The following ERBB4 variants were observed in gnomAD, a reference collection of about 807,000 sequenced individuals.
ERBB4 encodes the protein erb-b2 receptor tyrosine kinase 4, also known as receptor tyrosine-protein kinase erbB-4.
Under a neutral mutation model 158.0 loss-of-function variants are expected in ERBB4, and 42 were observed. The ratio of observed to expected loss-of-function variants is 0.27; its 90% CI spans 0.21 to 0.34. ERBB4 has a LOEUF of 0.34. Among genes scored for constraint, ERBB4 ranks in the 10% least tolerant of loss-of-function variants. ERBB4 has a pLI of 1.00. For synonymous variants in ERBB4, 583 were observed against 558.7 expected, an observed-to-expected ratio of 1.04 and a Z score of -0.61; for missense variants, 1,333 against 1,624.1, an observed-to-expected ratio of 0.82 and a Z score of 3.08.
chr2:212,505,168 C>T (rs1281697392), intron 1 of ERBB4, among the ~76,000 whole-genome samples: 1 of 152,206 alleles, frequency 6.6e-6, no homozygotes. Flanking sequence ...ACAATCGAAG[C>T]TCACTGCAAC....
At chr2:211,711,600 C>A (rs2073703896) in intron 9 of ERBB4, among the ~76,000 whole-genome samples, 1 of 152,074 alleles carries the variant, frequency 6.6e-6, no homozygotes, top group South Asian at 2.1e-4. Flanking sequence ...CAAAGAATTT[C>A]TGGAAGAAGC....
rs147913951 is a variant in ERBB4, at chr2:212,088,433, C to A, written c.234+36319G>T. Among the ~76,000 whole-genome samples the A allele has an allele frequency of 5.6e-3, 849 of 152,244 alleles. 9 individuals are homozygous for A. The highest frequency in any genetic ancestry group is 6.7e-3 in the Non-Finnish European group (456 of 68,012). Reference sequence around the variant, plus strand: ...TAAAAATGGATTGTCTATCACATGACAGGTACTAACCATAACAAGAATTCT... The same window carrying A: ...TAAAAATGGATTGTCTATCACATGAAAGGTACTAACCATAACAAGAATTCT... On this transcript the variant is annotated intron_variant, in intron 2 of 27. Coordinates refer to ENST00000342788, the MANE Select transcript of ERBB4 (RefSeq NM_005235.3).
intron 1 of ERBB4, among the ~76,000 whole-genome samples, chr2:212,340,373 C>T (rs2088649519): frequency 6.6e-6 from 1 of 152,152 alleles, no homozygotes; most frequent in Non-Finnish European, 1.5e-5. Flanking sequence ...ATTACAGACA[C>T]TGTGTACTTT....
chr2:212,335,630 TA>T (rs2106306407), intron 1 of ERBB4, among the ~76,000 whole-genome samples: 1 of 152,164 alleles, frequency 6.6e-6, no homozygotes, highest in Admixed American at 6.6e-5. Flanking sequence ...AAATTTTACT[TA>T]ACATTTCGTA....
intron 25 of ERBB4, among the ~76,000 whole-genome samples, chr2:211,388,275 A>T (rs984106803): frequency 6.6e-5 from 10 of 152,218 alleles, no homozygotes; most frequent in Admixed American, 6.5e-4. Flanking sequence ...TAAATAATAA[A>T]CATTCTTCTG....
intron 2 of ERBB4, among the ~76,000 whole-genome samples, chr2:212,016,010 C>T (rs757154448): frequency 4.0e-5 from 6 of 148,918 alleles, no homozygotes; most frequent in Non-Finnish European, 8.9e-5. Flanking sequence ...ATTTTTATAG[C>T]GTAGGACTAC....
intron 3 of ERBB4, among the ~76,000 whole-genome samples, chr2:211,799,201 A>G (rs2076445566): frequency 6.6e-6 from 1 of 152,146 alleles, no homozygotes; most frequent in African/African-American, 2.4e-5. Flanking sequence ...TTAATTCAAA[A>G]ACACAATATT....
At chr2:211,951,969 C>G (rs185357970) in intron 2 of ERBB4, among the ~76,000 whole-genome samples, 1 of 151,878 alleles carries the variant, frequency 6.6e-6, no homozygotes, top group South Asian at 2.1e-4. Flanking sequence ...TTAATTGTTA[C>G]GTCCCTTTCT....
chr2:211,666,555 CT>C (rs1350463253), intron 14 of ERBB4, among the ~76,000 whole-genome samples: 1 of 152,140 alleles, frequency 6.6e-6, no homozygotes, highest in African/African-American at 2.4e-5. Context: ...GGAAAGCATA[CT>C]AGAAATGGGT....
At chr2:211,856,911 C>T (rs965358973) in intron 3 of ERBB4, among the ~76,000 whole-genome samples, 1 of 152,064 alleles carries the variant, frequency 6.6e-6, no homozygotes, top group African/African-American at 2.4e-5. Context: ...TGGTGTTGTA[C>T]AATCAACAGA....
chr2:211,625,743 T>C (rs554154697), intron 17 of ERBB4, among the ~76,000 whole-genome samples: 1 of 152,308 alleles, frequency 6.6e-6, no homozygotes, highest in South Asian at 2.1e-4. Context: ...GTATAATGAA[T>C]AACTTATGAA....
At chr2:212,327,440 A>G (rs1209062945) in intron 1 of ERBB4, among the ~76,000 whole-genome samples, 1 of 151,924 alleles carries the variant, frequency 6.6e-6, no homozygotes, top group Non-Finnish European at 1.5e-5. Context: ...GACTAAGGAT[A>G]CTCTTGGAGA....
chr2:211,649,484 AC>A (rs1287038118), intron 16 of ERBB4, among the ~76,000 whole-genome samples: 2 of 151,834 alleles, frequency 1.3e-5, no homozygotes, highest in Admixed American at 6.6e-5. Flanking sequence ...GGTGTGTAGA[AC>A]AATATAGCTA....
intron 1 of ERBB4, chr2:212,426,468 T>C: frequency 2.5e-6 from 1 of 393,766 alleles, no homozygotes; most frequent in Non-Finnish European, 5.0e-6. Context: ...GAGAAGCTGA[T>C]ATTTTTATTA....
intron 12 of ERBB4, among the ~76,000 whole-genome samples, chr2:211,699,415 T>C (rs1031963986): frequency 3.3e-5 from 5 of 152,180 alleles, no homozygotes; most frequent in African/African-American, 1.2e-4. Flanking sequence ...CATTCCCATT[T>C]ACAAAGAGTA....
At chr2:212,485,564 C>A (rs1689927904) in intron 1 of ERBB4, among the ~76,000 whole-genome samples, 1 of 152,064 alleles carries the variant, frequency 6.6e-6, no homozygotes, top group Admixed American at 6.6e-5. Flanking sequence ...TTCAAGTACT[C>A]CAAGATGAAT....
rs796507910 is a variant in ERBB4 at position 211,692,011 on chromosome 2, G to C, written c.1489+9956C>G. 1.6e-4 allele frequency among the ~76,000 whole-genome samples: 25 copies of C among 152,284 alleles called. 1 individual carries two copies. The highest frequency in any genetic ancestry group is 5.5e-4 in the African/African-American group (23 of 41,566). On this transcript the variant is annotated intron_variant, in intron 12 of 27. Coordinates refer to ENST00000342788, the MANE Select transcript of ERBB4 (RefSeq NM_005235.3). ...CAAAAAATGTCACTTCAATTTCTTT[G>C]ATGGGATTGACTTGAAGGTATATTT...
intron 1 of ERBB4, among the ~76,000 whole-genome samples, chr2:212,210,885 A>G (rs2082913399): frequency 6.6e-6 from 1 of 152,002 alleles, no homozygotes; most frequent in Non-Finnish European, 1.5e-5. Flanking sequence ...CACAATTTAT[A>G]TTTCCCAGTC....
intron 1 of ERBB4, among the ~76,000 whole-genome samples, chr2:212,219,071 AAAG>A (rs2083199316): frequency 6.6e-6 from 1 of 151,324 alleles, no homozygotes; most frequent in South Asian, 2.1e-4. Flanking sequence ...CCCCCGATTT[AAAG>A]AAAGGAAAGA....
Sources: gnomAD v4.1 joint callset for allele counts (sites outside exome capture counted in the v4.1 genomes callset) on GRCh38, gnomAD v4.1.1 for gene constraint, MANE v1.5 for transcripts, NCBI Gene and HGNC (gene_info 2026-07-23, HGNC 2026-07-21) for gene names.